The following KATNAL1 variants were observed in gnomAD, a reference collection of about 807,000 sequenced individuals.
The protein encoded by KATNAL1 is katanin p60 ATPase-containing subunit A-like 1.
A neutral mutation model predicts 55.2 loss-of-function variants in KATNAL1; 32 were observed. That is an observed-to-expected ratio of 0.58 (90% CI 0.44 to 0.78). KATNAL1 has a LOEUF of 0.78. KATNAL1 is among the 30% of genes least tolerant of loss of function. The pLI is 0.00. For missense variants in KATNAL1, 466 were observed against 600.9 expected, an observed-to-expected ratio of 0.78 and a Z score of 2.35; for synonymous variants, 193 against 193.6, an observed-to-expected ratio of 1.00 and a Z score of 0.02.
At chr13:30,232,805 T>C (rs1876240461) in intron 6 of KATNAL1, among the ~76,000 whole-genome samples, 1 of 152,124 alleles carries the variant, frequency 6.6e-6, no homozygotes, top group African/African-American at 2.4e-5. Flanking sequence ...CCCCTCGGTA[T>C]ACAAATATAC....
intron 9 of KATNAL1, among the ~76,000 whole-genome samples, chr13:30,221,065 G>C (rs1044451863): frequency 6.6e-6 from 1 of 152,106 alleles, no homozygotes; most frequent in Non-Finnish European, 1.5e-5. Flanking sequence ...TAAATTATTA[G>C]AATACAGAGT....
chr13:30,277,806 A>T (rs1880956683), intron 3 of KATNAL1, among the ~76,000 whole-genome samples: 1 of 151,184 alleles, frequency 6.6e-6, no homozygotes, highest in East Asian at 1.9e-4. Flanking sequence ...AAACGGTGAA[A>T]CCCCGTCTCT....
chr13:30,280,023 T>G, intron 3 of KATNAL1, 40 bp downstream of exon 3: 1 of 1,546,326 alleles, frequency 6.5e-7, no homozygotes, highest in Non-Finnish European at 8.7e-7. Context: ...GAACATCAAT[T>G]AACTAGAAGC....
chr13:30,224,175 A>G (rs946847467), intron 9 of KATNAL1, among the ~76,000 whole-genome samples: 1 of 152,172 alleles, frequency 6.6e-6, no homozygotes, highest in Non-Finnish European at 1.5e-5. Flanking sequence ...AAAATATGAT[A>G]TAGCAAAATT....
chr13:30,243,785 G>A (rs1287244899), intron 4 of KATNAL1, among the ~76,000 whole-genome samples: 7 of 152,068 alleles, frequency 4.6e-5, no homozygotes, highest in African/African-American at 1.7e-4. Flanking sequence ...AAATCACTGG[G>A]TCATAGTCAC....
chr13:30,266,072 T>G (rs1175166640), intron 3 of KATNAL1, among the ~76,000 whole-genome samples: 1 of 146,414 alleles, frequency 6.8e-6, no homozygotes, highest in Non-Finnish European at 1.5e-5. Flanking sequence ...TGGAGTGCAG[T>G]GGCCCACTCT....
chr13:30,241,318 T>A (rs927295707), intron 4 of KATNAL1, among the ~76,000 whole-genome samples: 9 of 152,230 alleles, frequency 5.9e-5, no homozygotes, highest in African/African-American at 2.2e-4. Flanking sequence ...AACAGTTGCA[T>A]GCAGGTAAGA....
chr13:30,282,010 T>C (rs1357847422), intron 2 of KATNAL1: 1 of 148,826 alleles, frequency 6.7e-6, no homozygotes, highest in African/African-American at 2.5e-5. Flanking sequence ...TCCTTAAAGA[T>C]ATATTGCTTA....
intron 1 of KATNAL1, among the ~76,000 whole-genome samples, chr13:30,290,938 TA>T (rs1302479801): frequency 6.6e-6 from 1 of 152,156 alleles, no homozygotes; most frequent in African/African-American, 2.4e-5. Flanking sequence ...AAACTAAGAA[TA>T]AAAGGCAATT....
At chr13:30,229,832 C>A (rs754690561) in intron 8 of KATNAL1, among the ~76,000 whole-genome samples, 16 of 151,438 alleles carry the variant, frequency 1.1e-4, no homozygotes, top group Admixed American at 6.6e-5. Context: ...ATGGAAAAAA[C>A]CTAAAATTGA....
At chr13:30,254,494 A>G (rs1878617230) in intron 4 of KATNAL1, among the ~76,000 whole-genome samples, 1 of 152,144 alleles carries the variant, frequency 6.6e-6, no homozygotes, top group Non-Finnish European at 1.5e-5. Flanking sequence ...GAAAACACCA[A>G]TTTTATTCTA....
intron 1 of KATNAL1, 61 bp from the exon 2 acceptor site, chr13:30,283,852 A>C: frequency 9.2e-7 from 1 of 1,081,868 alleles, no homozygotes; most frequent in Non-Finnish European, 1.3e-6. Flanking sequence ...AACATTTATT[A>C]TTCTTTAAAA....
intron 1 of KATNAL1, among the ~76,000 whole-genome samples, chr13:30,301,377 A>T (rs1350935852): frequency 6.6e-6 from 1 of 152,208 alleles, no homozygotes; most frequent in East Asian, 1.9e-4. Flanking sequence ...TGAAAAAAAC[A>T]AACAAAAAAA....
intron 3 of KATNAL1, among the ~76,000 whole-genome samples, chr13:30,266,012 CAAAAAAAAA>C (rs776557665): frequency 8.5e-5 from 3 of 35,382 alleles, no homozygotes; most frequent in East Asian, 1.1e-3. Context: ...AACTCCATCT[CAAAAAAAAA>C]AAAAAAAAAA....
intron 3 of KATNAL1, among the ~76,000 whole-genome samples, chr13:30,260,995 AG>A (rs1468606835): frequency 6.6e-6 from 1 of 151,952 alleles, no homozygotes; most frequent in Non-Finnish European, 1.5e-5. Flanking sequence ...CACAAAGGGA[AG>A]CCCATCAGAC....
intron 1 of KATNAL1, chr13:30,306,650 T>C (rs1015936889): frequency 2.0e-5 from 3 of 152,214 alleles, no homozygotes; most frequent in African/African-American, 7.2e-5. Context: ...CAAACACCTC[T>C]GAGCTACTTT....
chr13:30,282,296 T>C (rs919433280), intron 2 of KATNAL1, among the ~76,000 whole-genome samples: 1 of 152,108 alleles, frequency 6.6e-6, no homozygotes, highest in African/African-American at 2.4e-5. Flanking sequence ...TTTTGCAAAA[T>C]GGGTCAAAAC....
chr13:30,283,034 C>A (rs1403893875), intron 2 of KATNAL1, among the ~76,000 whole-genome samples: 1 of 150,372 alleles, frequency 6.7e-6, no homozygotes, highest in Non-Finnish European at 1.5e-5. Context: ...CTTTGGGAGG[C>A]TGAGGTGGGT....
At chr13:30,216,560 C>T (rs887793969) in intron 9 of KATNAL1, among the ~76,000 whole-genome samples, 1 of 152,226 alleles carries the variant, frequency 6.6e-6, no homozygotes, top group African/African-American at 2.4e-5. Flanking sequence ...AAACGTCTAC[C>T]TCCACAGTTC....
Sources: allele counts gnomAD v4.1 joint callset (sites outside exome capture counted in the v4.1 genomes callset), GRCh38; gene constraint gnomAD v4.1.1; transcripts MANE v1.5; gene names NCBI Gene and HGNC (gene_info 2026-07-23, HGNC 2026-07-21).